ATP8B4: variants seen among roughly 807,000 people sequenced by gnomAD.
ATP8B4 encodes the protein ATPase phospholipid transporting 8B4 (putative), also known as probable phospholipid-transporting ATPase IM.
ATP8B4 carries 133 observed loss-of-function variants against 145.6 expected under a neutral mutation model. That is an observed-to-expected ratio of 0.91 (90% CI 0.79 to 1.05). The LOEUF (loss-of-function observed/expected upper bound fraction) is 1.05. Ranked by LOEUF, ATP8B4 falls within the 50% of genes least tolerant of loss-of-function variation. The pLI is 0.00. For synonymous variants in ATP8B4, 507 were observed against 492.9 expected (o/e 1.03, Z -0.38); for missense variants, 1,458 against 1,425.2 (o/e 1.02, Z -0.37).
At chr15:50,048,580 C>T (rs564974219) in intron 3 of ATP8B4, among the ~76,000 whole-genome samples, 7 of 151,892 alleles carry the variant, frequency 4.6e-5, no homozygotes, top group African/African-American at 9.7e-5. Context: ...TGGTGGTGCA[C>T]GCCTGTAATC....
chr15:49,872,418 G>A (rs546228709), intron 25 of ATP8B4, among the ~76,000 whole-genome samples: 1 of 152,240 alleles, frequency 6.6e-6, no homozygotes, highest in East Asian at 1.9e-4. Context: ...GTTGGACTCA[G>A]CGACTTACTT....
chr15:49,922,275 C>T, intron 17 of ATP8B4: 1 of 223,252 alleles, frequency 4.5e-6, no homozygotes. Flanking sequence ...ATTAGGTTTC[C>T]TATAGTTTAG....
chr15:49,944,262 G>T (rs1055166518), intron 14 of ATP8B4, among the ~76,000 whole-genome samples: 6 of 152,056 alleles, frequency 3.9e-5, no homozygotes, highest in African/African-American at 9.7e-5. Flanking sequence ...CCAATTAAAA[G>T]ATATAAAGTG....
At chr15:50,150,164 C>G (rs1316734690) in intron 1 of ATP8B4, among the ~76,000 whole-genome samples, 1 of 152,044 alleles carries the variant, frequency 6.6e-6, no homozygotes, top group East Asian at 1.9e-4. Context: ...GGATCAGTAA[C>G]AGTAACAAGA....
intron 9 of ATP8B4, among the ~76,000 whole-genome samples, chr15:49,989,145 C>T (rs552725734): frequency 1.3e-5 from 2 of 152,222 alleles, no homozygotes; most frequent in East Asian, 1.9e-4. Flanking sequence ...TGGTTAGCTC[C>T]GTGATAGCCT....
intron 24 of ATP8B4, chr15:49,876,728 C>A (rs1339679476): frequency 1.3e-6 from 1 of 788,356 alleles, no homozygotes; most frequent in East Asian, 2.8e-5. Context: ...AGAGAAGGAG[C>A]TTGAGTCTCC....
chr15:50,047,663 C>A (rs1473633934), intron 3 of ATP8B4, among the ~76,000 whole-genome samples, 199 bp from the exon 4 acceptor site: 1 of 151,218 alleles, frequency 6.6e-6, no homozygotes, highest in Non-Finnish European at 1.5e-5. Context: ...TGGTCCATGC[C>A]ATAAACTCAC....
chr15:49,934,011 A>T lies in ATP8B4; in HGVS notation c.1453+6T>A, dbSNP rs1293201189. The T allele has an allele frequency of 4.5e-6, 7 of 1,548,956 alleles. No homozygotes were observed. The highest frequency in any genetic ancestry group is 2.8e-5 in the African/African-American group (2 of 71,734). On this transcript the variant is annotated splice_donor_region_variant and intron_variant, in intron 15 of 27. Transcript: ENST00000284509. ...GTTCACCACTCAGACATAACTTTTC[A>T]CTTACCTGCGCTATTCTCTTCTGAC... is the stretch of plus-strand genomic sequence containing the variant.
chr15:50,024,186 G>C (rs1403761603), intron 6 of ATP8B4, among the ~76,000 whole-genome samples: 1 of 152,150 alleles, frequency 6.6e-6, no homozygotes, highest in African/African-American at 2.4e-5. Context: ...TCTCACAGTG[G>C]TTAAGTCTGG....
intron 15 of ATP8B4, among the ~76,000 whole-genome samples, chr15:49,932,632 G>A (rs1477947523): frequency 6.6e-6 from 1 of 151,992 alleles, no homozygotes; most frequent in Non-Finnish European, 1.5e-5. Flanking sequence ...CTGAGAAAAA[G>A]AACACTTAAG....
At chr15:49,883,790 T>G (rs981919855) in intron 23 of ATP8B4, among the ~76,000 whole-genome samples, 1 of 151,622 alleles carries the variant, frequency 6.6e-6, no homozygotes, top group African/African-American at 2.4e-5. Flanking sequence ...TTTTAAATTA[T>G]ATTAAAAAAA....
At chr15:49,902,875 G>A (rs1407899700) in intron 20 of ATP8B4, among the ~76,000 whole-genome samples, 1 of 152,210 alleles carries the variant, frequency 6.6e-6, no homozygotes, top group Non-Finnish European at 1.5e-5. Flanking sequence ...CATCTCCTGA[G>A]TACTCCTTTT....
chr15:50,164,603 A>G (rs566479101), intron 1 of ATP8B4, among the ~76,000 whole-genome samples: 1 of 152,342 alleles, frequency 6.6e-6, no homozygotes, highest in East Asian at 1.9e-4. Context: ...TGGCTGCTCC[A>G]GCTGGTGTCT....
At chr15:50,106,389 A>C (rs1267708676) in intron 2 of ATP8B4, among the ~76,000 whole-genome samples, 1 of 152,246 alleles carries the variant, frequency 6.6e-6, no homozygotes, top group Non-Finnish European at 1.5e-5. Context: ...AGTGTTAATA[A>C]TACTATTAAT....
At chr15:49,933,148 TACA>T (rs1051658927) in intron 15 of ATP8B4, among the ~76,000 whole-genome samples, 2 of 151,510 alleles carry the variant, frequency 1.3e-5, no homozygotes, top group African/African-American at 2.4e-5. Flanking sequence ...GTGAAAAGTA[TACA>T]ACAACAACAA....
intron 8 of ATP8B4, among the ~76,000 whole-genome samples, chr15:49,999,514 C>T (rs907929776): frequency 9.9e-5 from 15 of 151,750 alleles, no homozygotes; most frequent in African/African-American, 3.1e-4. Flanking sequence ...TGCACATGTA[C>T]CCTAAAACTT....
At chr15:49,889,111 T>A (rs777363068) in intron 23 of ATP8B4, among the ~76,000 whole-genome samples, 15 of 147,450 alleles carry the variant, frequency 1.0e-4, no homozygotes, top group East Asian at 2.0e-4. Context: ...ACAGTATTTT[T>A]AAAAAAAAAA....
At chr15:49,916,505 C>T (rs2039754303) in intron 20 of ATP8B4, among the ~76,000 whole-genome samples, 1 of 152,092 alleles carries the variant, frequency 6.6e-6, no homozygotes, top group East Asian at 1.9e-4. Flanking sequence ...CATCTAGGTG[C>T]TTATTAAATA....
Position 49,991,090 on chromosome 15 carries a change from C to A in ATP8B4, c.590-3541G>T, listed in dbSNP as rs76610575. On this transcript the variant is annotated intron_variant, in intron 9 of 27. Coordinates refer to ENST00000284509, the MANE Select transcript of ATP8B4 (RefSeq NM_024837.4). ...TTCACGCCTTTACATGGAATCTATG[C>A]CTCATGAGTCAGCTGTGCTGTTGGG... 7.6e-3 allele frequency among the ~76,000 whole-genome samples: 1,164 copies of A among 152,262 alleles called. 16 individuals are homozygous for A. Among genetic ancestry groups the A allele is most frequent in the African/African-American group, 0.027 (1,111 of 41,548 alleles).
Sources: allele counts gnomAD v4.1 joint callset (sites outside exome capture counted in the v4.1 genomes callset), GRCh38; gene constraint gnomAD v4.1.1; transcripts MANE v1.5; gene names NCBI Gene and HGNC (gene_info 2026-07-23, HGNC 2026-07-21).